PCSK5: variants seen among roughly 807,000 people sequenced by gnomAD.
The protein encoded by PCSK5 is proprotein convertase subtilisin/kexin type 5.
Under a neutral mutation model 233.2 loss-of-function variants are expected in PCSK5, and 129 were observed. That is an observed-to-expected ratio of 0.55 (90% CI 0.48 to 0.64). PCSK5 has a LOEUF of 0.64. PCSK5 is among the 30% of genes least tolerant of loss of function. PCSK5 has a pLI of 0.00. For synonymous variants in PCSK5, 825 were observed against 879.2 expected, an observed-to-expected ratio of 0.94 and a Z score of 1.09; for missense variants, 2,076 against 2,430.1, an observed-to-expected ratio of 0.85 and a Z score of 3.06.
intron 2 of PCSK5, among the ~76,000 whole-genome samples, chr9:75,969,055 G>T (rs1825712814): frequency 6.6e-6 from 1 of 151,900 alleles, no homozygotes; most frequent in Admixed American, 6.6e-5. Context: ...GGCGGTTCTG[G>T]CATCATCACA....
At chr9:76,296,471 A>T (rs1301662135) in intron 26 of PCSK5, among the ~76,000 whole-genome samples, 194 bp from the exon 27 acceptor site, 1 of 151,944 alleles carries the variant, frequency 6.6e-6, no homozygotes, top group Non-Finnish European at 1.5e-5. Context: ...TGAACCCGGG[A>T]GGTGGAGGAT....
intron 5 of PCSK5, among the ~76,000 whole-genome samples, chr9:76,052,790 TC>T (rs1829677306): frequency 6.6e-6 from 1 of 152,242 alleles, no homozygotes; most frequent in Non-Finnish European, 1.5e-5. Flanking sequence ...ACAAAGCTAG[TC>T]CCTTCCACCT....
rs139935978 is a variant in PCSK5 at position 76,091,641 on chromosome 9, G to C, written c.895-4249G>C. On this transcript the variant is annotated intron_variant, in intron 7 of 37. Coordinates refer to ENST00000674117, the MANE Select transcript of PCSK5 (RefSeq NM_001372043.1). ...TGGGTTTTAATGAGGTTTGGCCAGTGGGGTATGCTGGCCAGAAACTGGAAT... is the reference window on the plus strand; with the variant it reads ...TGGGTTTTAATGAGGTTTGGCCAGTCGGGTATGCTGGCCAGAAACTGGAAT... Among the ~76,000 whole-genome samples the C allele has an allele frequency of 3.6e-3, 554 of 152,148 alleles. 2 individuals carry two copies. The highest frequency in any genetic ancestry group is 0.013 in the African/African-American group (530 of 41,502).
chr9:76,008,468 CT>C (rs1330680894), intron 3 of PCSK5, among the ~76,000 whole-genome samples: 154 of 143,124 alleles, frequency 1.1e-3, no homozygotes, highest in Admixed American at 1.5e-3. Context: ...TTCTTTTTGC[CT>C]TTTTTTTTTT....
Position 76,272,545 on chromosome 9 carries a change from C to T in PCSK5, c.3143-19688C>T, listed in dbSNP as rs138337279. 4.1e-3 allele frequency among the ~76,000 whole-genome samples: 619 copies of T among 151,948 alleles called. 4 individuals carry two copies. Among genetic ancestry groups the T allele is most frequent in the African/African-American group, 0.014 (576 of 41,436 alleles). ...ATCCCAGCACTTTGGGAGGCTGAGA[C>T]GGGCGGATCACGAGGTCAGGAGATT... On this transcript the variant is annotated intron_variant, in intron 24 of 37. Transcript: ENST00000674117.
chr9:76,354,514 G>A (rs1275930577), intron 37 of PCSK5, among the ~76,000 whole-genome samples: 1 of 152,092 alleles, frequency 6.6e-6, no homozygotes, highest in Non-Finnish European at 1.5e-5. Flanking sequence ...GGTGGCTCAC[G>A]CCTGTAAATA....
intron 9 of PCSK5, among the ~76,000 whole-genome samples, 178 bp from the exon 10 acceptor site, chr9:76,133,931 T>C (rs577080203): frequency 2.6e-5 from 4 of 152,208 alleles, no homozygotes; most frequent in Non-Finnish European, 5.9e-5. Flanking sequence ...TAATGTCACT[T>C]CTCCATGTTG....
chr9:76,047,740 T>C lies in PCSK5; in HGVS notation c.633-20215T>C, dbSNP rs191899747. ...GAGGAGAAAACATTAAAAATGAATCTATTTAAATTGAGGCCAGAGTCTTGT... is the reference window on the plus strand; with the variant it reads ...GAGGAGAAAACATTAAAAATGAATCCATTTAAATTGAGGCCAGAGTCTTGT... On this transcript the variant is annotated intron_variant, in intron 5 of 37. Transcript: ENST00000674117. Among the ~76,000 whole-genome samples, 3 of 152,294 alleles carry C rather than the reference T, an allele frequency of 2.0e-5. No homozygotes were observed. The East Asian group carries it at 5.8e-4, about 29-fold the overall frequency.
intron 5 of PCSK5, among the ~76,000 whole-genome samples, chr9:76,028,601 C>T (rs1327660337): frequency 6.6e-6 from 1 of 152,080 alleles, no homozygotes; most frequent in Non-Finnish European, 1.5e-5. Flanking sequence ...GCAGGTTCTG[C>T]AAATACCTCA....
chr9:76,238,155 G>C (rs781451328), intron 22 of PCSK5, among the ~76,000 whole-genome samples: 1 of 152,202 alleles, frequency 6.6e-6, no homozygotes, highest in African/African-American at 2.4e-5. Flanking sequence ...AAAACTCCGG[G>C]AGGGTGGGAG....
chr9:76,230,505 A>G (rs1001466633), intron 21 of PCSK5, among the ~76,000 whole-genome samples: 6 of 152,152 alleles, frequency 3.9e-5, no homozygotes, highest in Non-Finnish European at 8.8e-5. Context: ...CCCCAAACCA[A>G]TCTGTCATCT....
At chr9:76,295,680 G>A (rs1313428355) in intron 26 of PCSK5, among the ~76,000 whole-genome samples, 1 of 152,210 alleles carries the variant, frequency 6.6e-6, no homozygotes, top group African/African-American at 2.4e-5. Flanking sequence ...TGGAGATAGA[G>A]AGTGGGGACC....
intron 33 of PCSK5, 134 bp downstream of exon 33, chr9:76,328,373 G>A: frequency 1.5e-6 from 1 of 672,774 alleles, no homozygotes. Flanking sequence ...GTTCAAACCT[G>A]CAGAAAAGAT....
intron 26 of PCSK5, 74 bp downstream of exon 26, chr9:76,295,485 G>A (rs10869747): frequency 0.21 from 281,975 of 1,355,860 alleles, 30,562 homozygotes; most frequent in African/African-American, 0.27. Flanking sequence ...CCACAGGAGC[G>A]CACATGTGAT....
At chr9:76,314,071 T>C (rs1368334515) in intron 30 of PCSK5, among the ~76,000 whole-genome samples, 1 of 152,214 alleles carries the variant, frequency 6.6e-6, no homozygotes, top group Admixed American at 6.5e-5. Flanking sequence ...TTCAACTCTC[T>C]CTTGGATTCT....
intron 28 of PCSK5, among the ~76,000 whole-genome samples, chr9:76,303,535 C>T (rs1036774948): frequency 3.3e-5 from 5 of 152,096 alleles, no homozygotes; most frequent in African/African-American, 1.2e-4. Context: ...GGAAAATCAG[C>T]CTGAAGCCTG....
At chr9:76,182,250 T>C (rs1411953) in intron 16 of PCSK5, among the ~76,000 whole-genome samples, 148,926 of 152,316 alleles carry the variant, frequency 0.98, 72,821 homozygotes, top group East Asian at 1. Context: ...CTTTTCTGCA[T>C]ACTGACCAAA....
chr9:76,030,389 T>C (rs1412251204), intron 5 of PCSK5, among the ~76,000 whole-genome samples: 2 of 152,122 alleles, frequency 1.3e-5, no homozygotes, highest in East Asian at 1.9e-4. Context: ...CAAATCAAGA[T>C]AACAATTATC....
chr9:76,116,537 C>T, intron 9 of PCSK5, among the ~76,000 whole-genome samples: 1 of 152,040 alleles, frequency 6.6e-6, no homozygotes, highest in East Asian at 1.9e-4. Context: ...TTCTACTTGC[C>T]ATTGTTCCCC....
Sources: allele counts gnomAD v4.1 joint callset (sites outside exome capture counted in the v4.1 genomes callset), GRCh38; gene constraint gnomAD v4.1.1; transcripts MANE v1.5; gene names NCBI Gene and HGNC (gene_info 2026-07-23, HGNC 2026-07-21).